The following PIBF1 variants were observed in gnomAD, a reference collection of about 807,000 sequenced individuals.
PIBF1 encodes the protein progesterone-induced-blocking factor 1.
A neutral mutation model predicts 112.5 loss-of-function variants in PIBF1; 90 were observed. The ratio of observed to expected loss-of-function variants is 0.80; its 90% CI spans 0.67 to 0.95. The LOEUF (loss-of-function observed/expected upper bound fraction) is 0.95. Among genes scored for constraint, PIBF1 ranks in the 40% least tolerant of loss-of-function variants. The pLI, the probability that PIBF1 is intolerant of heterozygous loss-of-function variation, is 0.00. For synonymous variants in PIBF1, 301 were observed against 288.6 expected (o/e 1.04, Z -0.44); for missense variants, 915 against 852.3 (o/e 1.07, Z -0.92).
At chr13:72,912,070 G>A (rs1462728863) in intron 12 of PIBF1, among the ~76,000 whole-genome samples, 1 of 152,044 alleles carries the variant, frequency 6.6e-6, no homozygotes, top group Non-Finnish European at 1.5e-5. Flanking sequence ...AAAGAAAGAT[G>A]TCCATGTCCT....
At chr13:73,010,849 G>GTTT (rs2044181774) in intron 17 of PIBF1, among the ~76,000 whole-genome samples, 2 of 17,082 alleles carry the variant, frequency 1.2e-4, no homozygotes, top group African/African-American at 2.4e-4. Flanking sequence ...TTGAGACAGA[G>GTTT]TTTTTCACTC....
chr13:72,812,202 G>A (rs1399385157), intron 5 of PIBF1, among the ~76,000 whole-genome samples: 1 of 152,076 alleles, frequency 6.6e-6, no homozygotes, highest in Non-Finnish European at 1.5e-5. Flanking sequence ...CTCTTGATCT[G>A]CATAGTGTTT....
At chr13:72,901,660 G>T (rs896962252) in intron 11 of PIBF1, among the ~76,000 whole-genome samples, 7 of 151,944 alleles carry the variant, frequency 4.6e-5, no homozygotes, top group Admixed American at 4.6e-4. Context: ...ACTCCAGCCT[G>T]GGTGACAAGA....
At chr13:72,894,995 G>A (rs1369895808) in intron 11 of PIBF1, among the ~76,000 whole-genome samples, 5 of 150,138 alleles carry the variant, frequency 3.3e-5, no homozygotes, top group African/African-American at 9.7e-5. Flanking sequence ...GTGGTGGCAT[G>A]CACCTGTAGT....
chr13:73,005,514 T>TA (rs1156403493), intron 17 of PIBF1, among the ~76,000 whole-genome samples: 1 of 151,574 alleles, frequency 6.6e-6, no homozygotes, highest in Non-Finnish European at 1.5e-5. Flanking sequence ...AAATAAAAAA[T>TA]AAATTTAAAT....
At chr13:72,945,963 T>A (rs1329381159) in intron 14 of PIBF1, among the ~76,000 whole-genome samples, 1 of 152,142 alleles carries the variant, frequency 6.6e-6, no homozygotes, top group Non-Finnish European at 1.5e-5. Context: ...TTAACTGGAC[T>A]TTCCAGAACA....
intron 16 of PIBF1, among the ~76,000 whole-genome samples, chr13:72,979,799 G>A (rs966115592): frequency 6.6e-6 from 1 of 152,112 alleles, no homozygotes; most frequent in African/African-American, 2.4e-5. Context: ...GTGGGCGCCT[G>A]TAGTTCCAGC....
At chr13:72,868,410 AACTCACATACCTGTAAAGGT>A (rs1234140902) in intron 10 of PIBF1, among the ~76,000 whole-genome samples, 4 of 152,168 alleles carry the variant, frequency 2.6e-5, no homozygotes, top group Non-Finnish European at 5.9e-5. Flanking sequence ...CCTGTAAAGG[AACTCACATACCTGTAAAGGT>A]ACTCACGTAC....
chr13:72,792,946 C>G (rs1391806729), intron 3 of PIBF1, among the ~76,000 whole-genome samples: 1 of 152,086 alleles, frequency 6.6e-6, no homozygotes, highest in Non-Finnish European at 1.5e-5. Context: ...TTAAATATGC[C>G]TATGGCAATT....
intron 16 of PIBF1, among the ~76,000 whole-genome samples, chr13:72,995,881 G>A (rs563340709): frequency 7.3e-5 from 11 of 150,926 alleles, no homozygotes; most frequent in South Asian, 4.2e-4. Context: ...CCTGGGAGGC[G>A]GAGATTGCAG....
intron 17 of PIBF1, among the ~76,000 whole-genome samples, chr13:73,013,394 C>T (rs2044277270): frequency 6.7e-6 from 1 of 150,272 alleles, no homozygotes; most frequent in South Asian, 2.1e-4. Flanking sequence ...GACAGAATTT[C>T]CCCCAAACTA....
chr13:72,827,409 C>T (rs994208694), intron 7 of PIBF1, among the ~76,000 whole-genome samples: 4 of 151,840 alleles, frequency 2.6e-5, no homozygotes, highest in Non-Finnish European at 5.9e-5. Context: ...CCACCATGCC[C>T]TACTAATTTT....
At chr13:72,786,183 CT>C (rs1418638480) in intron 2 of PIBF1, among the ~76,000 whole-genome samples, 1 of 152,088 alleles carries the variant, frequency 6.6e-6, no homozygotes, top group African/African-American at 2.4e-5. Context: ...GCTATACTTA[CT>C]CAGCACAATA....
At chr13:73,006,179 A>G (rs1415255840) in intron 17 of PIBF1, among the ~76,000 whole-genome samples, 1 of 152,092 alleles carries the variant, frequency 6.6e-6, no homozygotes, top group Non-Finnish European at 1.5e-5. Flanking sequence ...TCGGCCTCCC[A>G]AAGTGCTGGG....
rs145212753 is a variant in PIBF1, at chr13:72,785,864, G to A, written c.252+2143G>A. 1.5e-3 allele frequency among the ~76,000 whole-genome samples: 227 copies of A among 152,204 alleles called. 1 individual carries two copies. The highest frequency in any genetic ancestry group is 4.4e-3 in the African/African-American group (181 of 41,502). On this transcript the variant is annotated intron_variant, in intron 2 of 17. Transcript: ENST00000326291. ...CTCTTGTATTATTTGTTTTCAACTT[G>A]CATTGTCCTTGGTTGTCAATGGCTT...
chr13:73,013,118 G>A (rs1328810331), intron 17 of PIBF1, among the ~76,000 whole-genome samples: 10 of 150,528 alleles, frequency 6.6e-5, no homozygotes, highest in Admixed American at 2.6e-4. Flanking sequence ...TGGCTAACAC[G>A]GTGAAACCCC....
intron 14 of PIBF1, among the ~76,000 whole-genome samples, chr13:72,943,725 GT>G (rs1333810229): frequency 6.6e-6 from 1 of 152,094 alleles, no homozygotes; most frequent in Non-Finnish European, 1.5e-5. Flanking sequence ...AGTCTCCTTT[GT>G]TGACTTCTTT....
intron 9 of PIBF1, among the ~76,000 whole-genome samples, chr13:72,843,468 G>A (rs1351619719): frequency 6.6e-6 from 1 of 152,224 alleles, no homozygotes; most frequent in African/African-American, 2.4e-5. Flanking sequence ...CTGGAGTGCA[G>A]TGGCACAGTC....
chr13:72,832,931 G>A (rs1000911117), intron 8 of PIBF1, among the ~76,000 whole-genome samples: 17 of 152,080 alleles, frequency 1.1e-4, no homozygotes, highest in African/African-American at 2.2e-4. Context: ...GTCTTTTCAC[G>A]TAGTCCCGTA....
Sources: allele counts gnomAD v4.1 joint callset (sites outside exome capture counted in the v4.1 genomes callset), GRCh38; gene constraint gnomAD v4.1.1; transcripts MANE v1.5; gene names NCBI Gene and HGNC (gene_info 2026-07-23, HGNC 2026-07-21).